Variants in PURG observed in about 807,000 individuals in gnomAD.
PURG encodes purine rich element binding protein G, also known as purine-rich element-binding protein gamma.
PURG carries 3 observed loss-of-function variants against 24.3 expected under a neutral mutation model. The observed-to-expected ratio is 0.12, with a 90% CI of 0.06 to 0.32. The LOEUF is 0.32. Ranked by LOEUF, PURG falls within the 10% of genes least tolerant of loss-of-function variation. The pLI, the probability that PURG is intolerant of heterozygous loss-of-function variation, is 1.00. For missense variants in PURG, 371 were observed against 439.1 expected (o/e 0.84, Z 1.39); for synonymous variants, 180 against 173.1 (o/e 1.04, Z -0.31).
At position 31,032,827 on chromosome 8, in the gene PURG, A is replaced by T; in HGVS notation, c.-6-39T>A. The T allele has an allele frequency of 1.6e-5, 20 of 1,289,162 alleles. No individual in the cohort carries two copies. The highest frequency in any genetic ancestry group is 2.0e-5 in the Non-Finnish European group (20 of 1,002,940). 79.9% of individuals were successfully genotyped at this position (1,289,162 alleles called of 1,614,324 possible). A position where few individuals can be genotyped will look rare whatever the true frequency, so the allele number is the denominator to read the frequency against. On this transcript the variant is annotated intron_variant, in intron 1 of 1. Transcript: ENST00000523392. The surrounding 1 kb of genome is among the most constrained non-coding windows in gnomAD (Gnocchi z 5.9). The stretch of plus-strand genomic sequence containing the variant: ...ACAGACACACGGGATGGGGTGGGGG[A>T]GGGGTGTTGAGAACAATCGCAGACG...
intron 1 of PURG, among the ~76,000 whole-genome samples, chr8:31,019,259 A>C (rs1810942734): frequency 1.4e-5 from 2 of 141,374 alleles, no homozygotes; most frequent in African/African-American, 2.6e-5. Flanking sequence ...CAAGCATAGA[A>C]TAAATTATTT....
At chr8:31,015,295 AAAT>A in intron 1 of PURG, among the ~76,000 whole-genome samples, 1 of 152,136 alleles carries the variant, frequency 6.6e-6, no homozygotes, top group Non-Finnish European at 1.5e-5. Flanking sequence ...GAACACTTAG[AAAT>A]GCTTAAGATG....
At position 31,012,620 on chromosome 8, in the gene PURG, T is replaced by C. The variant is rs147041915; in HGVS notation, c.865-15923A>G. On this transcript the variant is annotated intron_variant, in intron 1 of 1. Transcript: ENST00000339382. ...TAACTTTAAGAGAAGTTTCACTGAC[T>C]TCAGGGATACAGAAATTGAAGGGGT... Among the ~76,000 whole-genome samples the C allele has an allele frequency of 2.0e-5, 3 of 152,340 alleles. No homozygotes were observed. The East Asian group carries it at 5.8e-4, about 29-fold the overall frequency.
chr8:30,997,937 A>G (rs974912660), intron 1 of PURG, among the ~76,000 whole-genome samples: 4 of 151,810 alleles, frequency 2.6e-5, no homozygotes, highest in Non-Finnish European at 5.9e-5. Flanking sequence ...GGCTGACTTG[A>G]GCAAAAAAGA....
At chr8:31,029,092 T>C (rs547327275), downstream of PURG, among the ~76,000 whole-genome samples, 16 of 151,892 alleles carry the variant, frequency 1.1e-4, no homozygotes, top group East Asian at 1.9e-4. Flanking sequence ...TTTTATAAGA[T>C]ACATGGCAAT....
intron 1 of PURG, among the ~76,000 whole-genome samples, chr8:31,013,544 C>A (rs1377951884): frequency 1.3e-5 from 2 of 152,066 alleles, no homozygotes; most frequent in African/African-American, 4.8e-5. Context: ...CGAGACTAGC[C>A]CGGCCAACAT....
rs1232701098 is a variant in PURG, at chr8:31,031,843, A to C, written c.940T>G (p.Phe314Val). 1.9e-6 allele frequency: 3 copies of C among 1,597,886 alleles called. No homozygotes were observed. The highest frequency in any genetic ancestry group is 2.6e-6 in the Non-Finnish European group (3 of 1,171,184). The change falls in exon 2 of 2, where the codon TTT (phenylalanine) becomes GTT (valine). Residue 314 changes from phenylalanine to valine, a missense_variant. Around this residue, in one of 5 missense-constraint regions of PURG, gnomAD observed 103 missense variants for 127.7 expected, o/e 0.81. Coordinates refer to ENST00000523392, the MANE Select transcript of PURG (RefSeq NM_001323311.2). ...CTCATCTCTTCTTCATACTTGATAA[A>C]ATTCTCCCCAAACCTTGTCCAAGCT... ...FKAWTRFGEN[F>V]IKYEEEMRKI...
intron 1 of PURG, among the ~76,000 whole-genome samples, chr8:31,015,635 T>A (rs939226167): frequency 6.6e-6 from 1 of 152,106 alleles, no homozygotes; most frequent in South Asian, 2.1e-4. Context: ...CAGACAGAAC[T>A]TGAGTTTAGG....
At chr8:31,005,771 CTT>C (rs67428647) in intron 1 of PURG, among the ~76,000 whole-genome samples, 5 of 142,196 alleles carry the variant, frequency 3.5e-5, no homozygotes, top group South Asian at 2.2e-4. Context: ...TTTCTTTTTT[CTT>C]TTTTTTTTTT....
chr8:31,028,393 C>G (rs1363951154), downstream of PURG, among the ~76,000 whole-genome samples: 2 of 151,928 alleles, frequency 1.3e-5, no homozygotes, highest in East Asian at 3.9e-4. Flanking sequence ...TGAAACACAT[C>G]CCACCTGTCA....
chr8:31,016,297 T>C (rs1423153233), intron 1 of PURG, among the ~76,000 whole-genome samples: 1 of 151,884 alleles, frequency 6.6e-6, no homozygotes, highest in African/African-American at 2.4e-5. Context: ...TGAGAATCAC[T>C]TGAACCTGGG....
intron 1 of PURG, among the ~76,000 whole-genome samples, chr8:30,997,175 C>A (rs913973012): frequency 6.6e-6 from 1 of 151,694 alleles, no homozygotes; most frequent in Non-Finnish European, 1.5e-5. Flanking sequence ...TTCACCATTT[C>A]TATATTTGTA....
At chr8:31,000,364 A>G (rs185627524) in intron 1 of PURG, among the ~76,000 whole-genome samples, 69 of 152,314 alleles carry the variant, frequency 4.5e-4, no homozygotes, top group African/African-American at 1.6e-3. Flanking sequence ...TCTCTTACTC[A>G]TGTAATAATC....
chr8:31,032,424 C>T lies in PURG; in HGVS notation c.359G>A (p.Gly120Glu), dbSNP rs1223262238. 9 of 1,614,086 alleles carry T rather than the reference C, an allele frequency of 5.6e-6. No individual in the cohort carries two copies. Among genetic ancestry groups the T allele is most frequent in the Non-Finnish European group, 7.6e-6 (9 of 1,180,042 alleles). The change falls in exon 2 of 2, where the codon GGG (glycine) becomes GAG (glutamate). Residue 120 changes from glycine to glutamate, a missense_variant. By Grantham distance (98) the Gly-to-Glu change is moderately conservative. Around this residue, in one of 5 missense-constraint regions of PURG, gnomAD observed 213 missense variants for 230.6 expected, o/e 0.92. Coordinates refer to ENST00000523392, the MANE Select transcript of PURG (RefSeq NM_001323311.2). The surrounding 1 kb of genome is among the most constrained non-coding windows in gnomAD (Gnocchi z 5.9). ...GTGGGCATAGTGCTCGATGAAGTCCCCTAGACAGTCCTTCAGCTCCGCTGC... is the reference window on the plus strand; with the variant it reads ...GTGGGCATAGTGCTCGATGAAGTCCTCTAGACAGTCCTTCAGCTCCGCTGC... ...SVAAELKDCLGDFIEHYAHLG... is the reference protein window; with the variant it reads ...SVAAELKDCLEDFIEHYAHLG...
downstream of PURG, among the ~76,000 whole-genome samples, chr8:31,027,521 G>A (rs533920368): frequency 2.0e-5 from 3 of 151,704 alleles, no homozygotes; most frequent in East Asian, 5.8e-4. Flanking sequence ...AGCTTTCAAT[G>A]GTAGCTGCTT....
intron 1 of PURG, among the ~76,000 whole-genome samples, chr8:31,005,809 A>G (rs1810636284): frequency 6.6e-6 from 1 of 151,054 alleles, no homozygotes. Flanking sequence ...CTCCCTTCAA[A>G]TCACCACATA....
At chr8:31,019,852 A>G (rs1810960736) in intron 1 of PURG, among the ~76,000 whole-genome samples, 1 of 150,900 alleles carries the variant, frequency 6.6e-6, no homozygotes, top group African/African-American at 2.4e-5. Context: ...ATTTTAAAGC[A>G]GTGAGTTCAA....
At chr8:30,995,894 G>C (rs1810419302) in exon 2 of PURG, 2 of 152,086 alleles carry the variant, frequency 1.3e-5, no homozygotes, top group East Asian at 3.9e-4. Context: ...GAGGAAGGGA[G>C]GAAAGTTTTA....
At chr8:31,011,999 T>C (rs1364268671) in intron 1 of PURG, among the ~76,000 whole-genome samples, 2 of 152,180 alleles carry the variant, frequency 1.3e-5, no homozygotes, top group Non-Finnish European at 2.9e-5. Context: ...TCATTAACAA[T>C]TGTCGCCATT....
Sources: gnomAD v4.1 joint callset for allele counts (sites outside exome capture counted in the v4.1 genomes callset) on GRCh38, gnomAD v4.1.1 for gene constraint, gnomAD v4.1.1 regional missense constraint, Gnocchi (gnomAD v3.1) non-coding constraint, MANE v1.5 for transcripts, NCBI Gene and HGNC (gene_info 2026-07-23, HGNC 2026-07-21) for gene names.